Variants in NDUFA11 observed in about 807,000 individuals in gnomAD.
NDUFA11 encodes NADH:ubiquinone oxidoreductase subunit A11.
NDUFA11 carries 14 observed loss-of-function variants against 11.3 expected under a neutral mutation model. The observed-to-expected ratio is 1.24, with a 90% CI of 0.82 to 1.94. The LOEUF (loss-of-function observed/expected upper bound fraction) is 1.94, where lower values mean the gene tolerates loss of function less well. Among genes scored for constraint, NDUFA11 ranks in the 30% most tolerant of loss-of-function variants. The pLI, the probability that NDUFA11 is intolerant of heterozygous loss-of-function variation, is 0.00. For missense variants in NDUFA11, 204 were observed against 200.3 expected (o/e 1.02, Z -0.11); for synonymous variants, 87 against 85.6 (o/e 1.02, Z -0.09).
chr19:5,896,241 G>C lies in NDUFA11; in HGVS notation c.313+212C>G, dbSNP rs1386639578. 4 of 608,710 alleles carry C rather than the reference G, an allele frequency of 6.6e-6. No homozygotes were observed. In the African/African-American group the frequency reaches 7.4e-5, roughly 11 times the overall value. The allele number at this position is 608,710 out of a possible 1,614,324, so 37.7% of individuals were successfully genotyped here. On this transcript the variant is annotated intron_variant, in intron 3 of 3. Transcript: ENST00000308961. This position sits in a 1 kb window ranked among gnomAD's most constrained non-coding sequence, Gnocchi z 5.8. ...TGTGGCTGGAGCAGAGTGAGGAGGG[G>C]AGGGTGGGGAGGGGACAGGGCAGGT... is the stretch of plus-strand genomic sequence containing the variant.
At chr19:5,899,137 C>T (rs1219629996) in intron 1 of NDUFA11, among the ~76,000 whole-genome samples, 1 of 150,424 alleles carries the variant, frequency 6.6e-6, no homozygotes, top group Non-Finnish European at 1.5e-5. Flanking sequence ...GAGCTGGAGT[C>T]TATGAAGATT....
At position 5,903,595 on chromosome 19, in the gene NDUFA11, G is replaced by A. The variant is rs757275665; in HGVS notation, c.97+17C>T. The A allele has an allele frequency of 8.4e-6, 13 of 1,548,294 alleles. No individual in the cohort carries two copies. Among genetic ancestry groups the A allele is most frequent in the Non-Finnish European group, 1.1e-5 (13 of 1,146,544 alleles). ...GCGGCCTCGGCCCTCCACCCTCGGG[G>A]CCCGGCCGGCGCTCACCAGCGACGC... is the stretch of plus-strand genomic sequence containing the variant. On this transcript the variant is annotated intron_variant, in intron 1 of 3. Transcript: ENST00000308961.
Position 5,896,314 on chromosome 19 carries a change from A to C in NDUFA11, c.313+139T>G. On this transcript the variant is annotated intron_variant, in intron 3 of 3. Transcript: ENST00000308961. This position sits in a 1 kb window ranked among gnomAD's most constrained non-coding sequence, Gnocchi z 5.8. ...TTAAGCAGCAGCAGCAGCTGTCGCT[A>C]TGACTGAAATGGCTGGTGTTCAAGA... 1 of 1,022,000 alleles carries C rather than the reference A, an allele frequency of 9.8e-7. No individual in the cohort carries two copies. Among genetic ancestry groups the C allele is most frequent in the Non-Finnish European group, 1.4e-6 (1 of 706,352 alleles). 63.3% of individuals were successfully genotyped at this position (1,022,000 alleles called of 1,614,324 possible).
downstream of NDUFA11, chr19:5,894,665 G>T: frequency 1.3e-6 from 2 of 1,561,984 alleles, no homozygotes; most frequent in Non-Finnish European, 1.7e-6. Flanking sequence ...AAGCCCTCCG[G>T]ACACTGACAC....
In NDUFA11 at chr19:5,896,516, G is replaced by A; in HGVS notation, c.250C>T (p.Pro84Ser). ...TCISAHVREKPDDPLNYFLGG... is the reference protein window; with the variant it reads ...TCISAHVREKSDDPLNYFLGG... ...AGGAAGTAGTTCAGGGGGTCGTCGG[G>A]CTTCTCGCGGACATGGGCGCTGATG... The change falls in exon 3 of 4, where the codon CCC becomes TCC. Residue 84 changes from proline to serine, a missense_variant. Transcript: ENST00000308961. This position sits in a 1 kb window ranked among gnomAD's most constrained non-coding sequence, Gnocchi z 5.8. 6.4e-7 allele frequency: 1 copy of A among 1,570,958 alleles called. No individual in the cohort carries two copies.
Position 5,896,726 on chromosome 19 carries a change from C to T in NDUFA11, c.191-151G>A. On this transcript the variant is annotated intron_variant, in intron 2 of 3. Coordinates refer to ENST00000308961, the MANE Select transcript of NDUFA11 (RefSeq NM_175614.5). The surrounding 1 kb of genome is among the most constrained non-coding windows in gnomAD (Gnocchi z 5.8). Reference sequence around the variant, plus strand: ...TCCTGGCCCCAGTCCTGGAGCTGTTCTCCTGGGCCTCCCCACCCTACATGT... The same window carrying T: ...TCCTGGCCCCAGTCCTGGAGCTGTTTTCCTGGGCCTCCCCACCCTACATGT... 7.9e-7 allele frequency: 1 copy of T among 1,258,560 alleles called. No homozygotes were observed. Among genetic ancestry groups the T allele is most frequent in the Non-Finnish European group, 1.1e-6 (1 of 881,972 alleles). The allele number at this position is 1,258,560 out of a possible 1,614,324, so 78.0% of individuals were successfully genotyped here.
downstream of NDUFA11, among the ~76,000 whole-genome samples, chr19:5,893,700 TC>T (rs2057590817): frequency 6.6e-6 from 1 of 152,034 alleles, no homozygotes. This position sits in a 1 kb window ranked among gnomAD's most constrained non-coding sequence, Gnocchi z 4.1. Context: ...GCCCGGGAGT[TC>T]CAGGCTGAGT....
intron 1 of NDUFA11, 37 bp from the exon 2 acceptor site, chr19:5,897,034 T>C (rs887074971): frequency 3.9e-5 from 60 of 1,556,184 alleles, no homozygotes; most frequent in Non-Finnish European, 5.1e-5. Flanking sequence ...CAGACCCCAC[T>C]GCTGCTAAGC....
At chr19:5,894,139 G>A (rs183329157), downstream of NDUFA11, among the ~76,000 whole-genome samples, 729 of 152,356 alleles carry the variant, frequency 4.8e-3, 8 homozygotes, top group African/African-American at 0.017. Context: ...AGGTGCTGAG[G>A]GGGGTCCTGT....
chr19:5,894,367 G>A (rs578173825), downstream of NDUFA11, among the ~76,000 whole-genome samples: 10 of 152,326 alleles, frequency 6.6e-5, no homozygotes, highest in East Asian at 1.9e-3. Flanking sequence ...GCTGAGGGAA[G>A]GGCTGTGGGC....
rs2057612511 is a variant in NDUFA11, at chr19:5,896,776, T to A, written c.190+129A>T. ...TATTCCTGATAAAGGAACACCCCAC[T>A]TTCTCCGGATGGCCAGCACTGTGGA... On this transcript the variant is annotated intron_variant, in intron 2 of 3. Coordinates refer to ENST00000308961, the MANE Select transcript of NDUFA11 (RefSeq NM_175614.5). The surrounding 1 kb of genome is among the most constrained non-coding windows in gnomAD (Gnocchi z 5.8). The A allele has an allele frequency of 1.7e-6, 2 of 1,181,418 alleles. No individual in the cohort carries two copies. Among genetic ancestry groups the A allele is most frequent in the Admixed American group, 3.4e-5 (2 of 59,234 alleles). The allele number at this position is 1,181,418 out of a possible 1,614,324, so 73.2% of individuals were successfully genotyped here. A position where few individuals can be genotyped will look rare whatever the true frequency, so the allele number is the denominator to read the frequency against.
At chr19:5,899,050 C>T (rs994506463) in intron 1 of NDUFA11, among the ~76,000 whole-genome samples, 21 of 151,672 alleles carry the variant, frequency 1.4e-4, no homozygotes, top group Admixed American at 9.8e-4. Flanking sequence ...TCCTCAGTCA[C>T]ACTTCAGTCA....
downstream of NDUFA11, chr19:5,892,847 T>G: frequency 7.2e-7 from 1 of 1,395,156 alleles, no homozygotes; most frequent in East Asian, 2.5e-5. Flanking sequence ...GGGGCCCTTA[T>G]TCCCATTTAC....
Position 5,896,464 on chromosome 19 carries a change from A to C in NDUFA11, c.302T>G (p.Leu101Arg). 1 of 1,572,758 alleles carries C rather than the reference A, an allele frequency of 6.4e-7. No individual in the cohort carries two copies. The highest frequency in any genetic ancestry group is 8.6e-7 in the Non-Finnish European group (1 of 1,159,514). ...FLGGCAGGLT[L>R]GARTHNYGIG... is the part of the protein sequence containing the mutation. ...AGGGGGCCACTCACTGCGTGCTCCC[A>C]GAGTCAGGCCTCCGGCGCAGCCACC... Residue 101 changes from leucine (L) to arginine (R), a missense_variant, in exon 3 of 4, where the codon CTG becomes CGG. Coordinates refer to ENST00000308961, the MANE Select transcript of NDUFA11 (RefSeq NM_175614.5). This position sits in a 1 kb window ranked among gnomAD's most constrained non-coding sequence, Gnocchi z 5.8.
chr19:5,893,421 T>C, downstream of NDUFA11: 1 of 570,646 alleles, frequency 1.8e-6, no homozygotes, highest in Non-Finnish European at 3.1e-6. This position sits in a 1 kb window ranked among gnomAD's most constrained non-coding sequence, Gnocchi z 4.1. Flanking sequence ...GCCATGATCC[T>C]GCCACTGCCC....
chr19:5,892,769 C>T (rs1183318288), downstream of NDUFA11: 7 of 1,084,160 alleles, frequency 6.5e-6, no homozygotes, highest in East Asian at 5.5e-5. Context: ...CGAGTGGATG[C>T]GATGCCCGTG....
chr19:5,901,693 G>A (rs7245450), intron 1 of NDUFA11, among the ~76,000 whole-genome samples: 65,723 of 149,944 alleles, frequency 0.44, 14,899 homozygotes, highest in East Asian at 0.68. Context: ...TTTTTGAGAC[G>A]GAGTCTTGCT....
Position 5,896,165 on chromosome 19 carries a change from C to T in NDUFA11, c.313+288G>A, listed in dbSNP as rs923191309. The T allele has an allele frequency of 5.1e-6, 3 of 593,104 alleles. No individual in the cohort carries two copies. The African/African-American group carries it at 5.6e-5, about 11-fold the overall frequency. 36.7% of individuals were successfully genotyped at this position (593,104 alleles called of 1,614,324 possible). A position where few individuals can be genotyped will look rare whatever the true frequency, so the allele number is the denominator to read the frequency against. ...ACGCAGTGCACTGCCCATGCAAAGG[C>T]CCTGGGGCAGGACTGTACCTGGCAT... On this transcript the variant is annotated intron_variant, in intron 3 of 3. Transcript: ENST00000308961. The surrounding 1 kb of genome is among the most constrained non-coding windows in gnomAD (Gnocchi z 5.8).
At chr19:5,897,126 C>T (rs2057615400) in intron 1 of NDUFA11, 129 bp from the exon 2 acceptor site, 5 of 777,584 alleles carry the variant, frequency 6.4e-6, no homozygotes, top group Admixed American at 1.9e-5. Context: ...ATAGTGTCCC[C>T]GGCTGCTGAG....
Sources: gnomAD v4.1 joint callset for allele counts (sites outside exome capture counted in the v4.1 genomes callset) on GRCh38, gnomAD v4.1.1 for gene constraint, Gnocchi (gnomAD v3.1) non-coding constraint, MANE v1.5 for transcripts, NCBI Gene and HGNC (gene_info 2026-07-23, HGNC 2026-07-21) for gene names.